The following HMCN1 variants were observed in gnomAD, a reference collection of about 807,000 sequenced individuals.
HMCN1 encodes the protein hemicentin-1.
A neutral mutation model predicts 625.9 loss-of-function variants in HMCN1; 321 were observed. That is an observed-to-expected ratio of 0.51 (90% CI 0.47 to 0.56). The LOEUF (loss-of-function observed/expected upper bound fraction) is 0.56, where lower values mean the gene tolerates loss of function less well. HMCN1 is among the 20% of genes least tolerant of loss of function. The pLI is 0.00. For synonymous variants in HMCN1, 2,425 were observed against 2,417.6 expected (o/e 1.00, Z -0.09); for missense variants, 6,588 against 6,887.3 (o/e 0.96, Z 1.54).
In HMCN1 at chr1:185,846,087, G is replaced by T; in HGVS notation, c.330G>T (p.Leu110=). ...PKKFQYELRE[L]YVQGGGDCPE... ...AATTTCAATATGAACTCAGAGAACT[G>T]TATGTTCAGGTGAGTGCTTGCTTTC... The change falls in exon 2 of 107, where the codon CTG becomes CTT. Residue 110 remains leucine (L), a synonymous_variant. Transcript: ENST00000271588. 6.2e-7 allele frequency: 1 copy of T among 1,608,362 alleles called. No individual in the cohort carries two copies. Among genetic ancestry groups the T allele is most frequent in the Non-Finnish European group, 8.5e-7 (1 of 1,174,986 alleles).
chr1:185,793,274 T>C (rs1658126688), intron 1 of HMCN1, among the ~76,000 whole-genome samples: 1 of 152,210 alleles, frequency 6.6e-6, no homozygotes, highest in Non-Finnish European at 1.5e-5. Context: ...ATGCTTACCA[T>C]CTGGAGGCTG....
At chr1:186,188,703 T>C (rs990261957) in intron 106 of HMCN1, among the ~76,000 whole-genome samples, 8 of 152,208 alleles carry the variant, frequency 5.3e-5, no homozygotes, top group Admixed American at 1.3e-4. Context: ...TGTTTTCCTC[T>C]TGGTAATGCT....
chr1:185,841,886 G>A (rs1192638245), intron 1 of HMCN1, among the ~76,000 whole-genome samples: 1 of 152,176 alleles, frequency 6.6e-6, no homozygotes, highest in Non-Finnish European at 1.5e-5. Context: ...AAAAGTTCTT[G>A]CAAATATAGG....
intron 81 of HMCN1, among the ~76,000 whole-genome samples, chr1:186,124,080 G>T (rs1268509101): frequency 6.6e-6 from 1 of 151,920 alleles, no homozygotes; most frequent in Admixed American, 6.6e-5. Flanking sequence ...CTATCCATTT[G>T]CCTTCAAATA....
intron 53 of HMCN1, 118 bp from the exon 54 acceptor site, chr1:186,076,310 G>A (rs905985939): frequency 1.1e-5 from 12 of 1,056,370 alleles, no homozygotes; most frequent in Non-Finnish European, 1.7e-5. Context: ...GTCAGTACTT[G>A]AAATTATTTC....
At chr1:185,992,898 A>ATTG (rs1652527113) in intron 22 of HMCN1, among the ~76,000 whole-genome samples, 1 of 152,180 alleles carries the variant, frequency 6.6e-6, no homozygotes, top group East Asian at 1.9e-4. Context: ...AAGTTAACTC[A>ATTG]AATATACATT....
chr1:186,156,706 G>A (rs1651048750), intron 97 of HMCN1, among the ~76,000 whole-genome samples: 1 of 152,052 alleles, frequency 6.6e-6, no homozygotes. Context: ...TTTATCCACT[G>A]TTATTTATAA....
At chr1:185,833,942 T>A (rs1661023371) in intron 1 of HMCN1, among the ~76,000 whole-genome samples, 1 of 152,216 alleles carries the variant, frequency 6.6e-6, no homozygotes, top group Non-Finnish European at 1.5e-5. Context: ...TAAACCCACT[T>A]ATATTTTCTG....
chr1:185,811,580 A>C (rs1571387755), intron 1 of HMCN1, among the ~76,000 whole-genome samples: 1 of 152,070 alleles, frequency 6.6e-6, no homozygotes, highest in East Asian at 1.9e-4. Context: ...TGGGTGACAG[A>C]GCAAGACCCT....
intron 42 of HMCN1, 72 bp downstream of exon 42, chr1:186,048,911 C>A: frequency 1.1e-6 from 1 of 888,246 alleles, no homozygotes; most frequent in Non-Finnish European, 1.9e-6. Context: ...TGACATTCAT[C>A]CATGTAACTA....
chr1:185,997,926 C>T (rs1248020537), intron 25 of HMCN1, among the ~76,000 whole-genome samples: 7 of 150,594 alleles, frequency 4.6e-5, no homozygotes, highest in African/African-American at 1.7e-4. Flanking sequence ...TTTGTTTGTT[C>T]TGGACACTTC....
chr1:186,162,406 TCTC>T (rs1651561897), intron 97 of HMCN1, among the ~76,000 whole-genome samples: 1 of 152,230 alleles, frequency 6.6e-6, no homozygotes, highest in Admixed American at 6.5e-5. Flanking sequence ...GAAGCCTTCT[TCTC>T]TCAACTCGTC....
At chr1:186,093,952 C>T (rs903857543) in intron 66 of HMCN1, among the ~76,000 whole-genome samples, 13 of 151,946 alleles carry the variant, frequency 8.6e-5, no homozygotes, top group African/African-American at 3.1e-4. Flanking sequence ...TTAGCTAAAA[C>T]TTTATGTGGC....
chr1:185,744,304 T>G (rs1302940750), intron 1 of HMCN1, among the ~76,000 whole-genome samples: 1 of 152,146 alleles, frequency 6.6e-6, no homozygotes, highest in Non-Finnish European at 1.5e-5. Flanking sequence ...GACTTGACTG[T>G]TAATCAACCT....
rs756364191 is a variant in HMCN1, at chr1:185,995,069, A to T, written c.3760A>T (p.Ile1254Leu). The T allele has an allele frequency of 1.2e-6, 2 of 1,613,712 alleles. No individual in the cohort carries two copies. The highest frequency in any genetic ancestry group is 3.3e-5 in the Admixed American group (2 of 59,986). The change falls in exon 24 of 107, where the codon ATA becomes TTA. Residue 1254 changes from isoleucine to leucine, a missense_variant. Coordinates refer to ENST00000271588, the MANE Select transcript of HMCN1 (RefSeq NM_031935.3). ...CATAGCAGGCACTGATGAAACAGAGATAACGCTACATGTCCAAGGTGATTC... is the reference window on the plus strand; with the variant it reads ...CATAGCAGGCACTGATGAAACAGAGTTAACGCTACATGTCCAAGGTGATTC... ...TNIAGTDETE[I>L]TLHVQEPPTV...
At chr1:185,742,386 C>T (rs1654049416) in intron 1 of HMCN1, among the ~76,000 whole-genome samples, 1 of 151,974 alleles carries the variant, frequency 6.6e-6, no homozygotes, top group South Asian at 2.1e-4. Context: ...TATAGTTTGG[C>T]TGTATATACA....
At chr1:186,150,361 T>G (rs1246547947) in intron 93 of HMCN1, among the ~76,000 whole-genome samples, 4 of 152,206 alleles carry the variant, frequency 2.6e-5, no homozygotes, top group Admixed American at 2.6e-4. Flanking sequence ...ACCTATTCTG[T>G]GCTAGTCACC....
chr1:186,000,428 C>T (rs1229998798), intron 26 of HMCN1, among the ~76,000 whole-genome samples, 189 bp downstream of exon 26: 3 of 151,842 alleles, frequency 2.0e-5, no homozygotes, highest in African/African-American at 7.3e-5. Flanking sequence ...TGTGACTTTA[C>T]ATCATTCAAA....
intron 1 of HMCN1, among the ~76,000 whole-genome samples, chr1:185,736,267 TACAC>T (rs1450212119): frequency 1.3e-5 from 2 of 152,134 alleles, no homozygotes; most frequent in African/African-American, 2.4e-5. Flanking sequence ...TACACACACA[TACAC>T]ATACATACAT....
Sources: gnomAD v4.1 joint callset for allele counts (sites outside exome capture counted in the v4.1 genomes callset) on GRCh38, gnomAD v4.1.1 for gene constraint, MANE v1.5 for transcripts, NCBI Gene and HGNC (gene_info 2026-07-23, HGNC 2026-07-21) for gene names.